DKK2: variants seen among roughly 807,000 people sequenced by gnomAD.
DKK2 encodes the protein dickkopf Wnt signaling pathway inhibitor 2.
DKK2 carries 11 observed loss-of-function variants against 28.1 expected under a neutral mutation model. The ratio of observed to expected loss-of-function variants is 0.39; its 90% CI spans 0.25 to 0.65. DKK2 has a LOEUF of 0.65. Ranked by LOEUF, DKK2 falls within the 30% of genes least tolerant of loss-of-function variation. The pLI is 0.47. For missense variants in DKK2, 326 were observed against 335.5 expected, an observed-to-expected ratio of 0.97 and a Z score of 0.22; for synonymous variants, 135 against 126.5, an observed-to-expected ratio of 1.07 and a Z score of -0.45.
intron 1 of DKK2, among the ~76,000 whole-genome samples, chr4:107,003,684 T>C (rs1202229775): frequency 6.6e-6 from 1 of 152,236 alleles, no homozygotes; most frequent in Non-Finnish European, 1.5e-5. Flanking sequence ...CAGATTCTTT[T>C]CCTACTGAGC....
rs868151085 is a variant in DKK2, at chr4:107,027,877, G to A, written c.222+7493C>T. ...CGCCATTCTCCTGCCTCAGCCTCCT[G>A]AGTAGCTGGGACTACAGGCGCCTGC... is the stretch of plus-strand genomic sequence containing the variant. On this transcript the variant is annotated intron_variant, in intron 1 of 3. Coordinates refer to ENST00000285311, the MANE Select transcript of DKK2 (RefSeq NM_014421.3). Among the ~76,000 whole-genome samples the A allele has an allele frequency of 2.8e-4, 43 of 151,382 alleles. 1 individual carries two copies. Among genetic ancestry groups the A allele is most frequent in the African/African-American group, 1.0e-3 (42 of 41,264 alleles).
intron 1 of DKK2, among the ~76,000 whole-genome samples, chr4:107,014,816 TACAC>T (rs1328265322): frequency 1.3e-5 from 2 of 150,100 alleles, no homozygotes; most frequent in Admixed American, 6.7e-5. Flanking sequence ...AAATAGGTTC[TACAC>T]ACACACACAC....
intron 1 of DKK2, among the ~76,000 whole-genome samples, chr4:107,031,510 A>G (rs1216149648): frequency 6.6e-6 from 1 of 152,030 alleles, no homozygotes; most frequent in African/African-American, 2.4e-5. Flanking sequence ...TTCTCACAAC[A>G]TAACTTCATC....
Position 106,925,838 on chromosome 4 carries a change from G to A in DKK2, c.334C>T (p.Arg112Ter), listed in dbSNP as rs528677483. 3.1e-6 allele frequency: 5 copies of A among 1,613,416 alleles called. No individual in the cohort carries two copies. The highest frequency in any genetic ancestry group is 1.3e-5 in the African/African-American group (1 of 74,938). Residue 112 changes from arginine to a stop codon, truncating the protein, a stop_gained, in exon 2 of 4, where the codon CGA becomes TGA. Transcript: ENST00000285311. LOFTEE classifies it high-confidence loss of function. ...VCRRKKKRCH[R>*]DGMCCPSTRC... The stretch of plus-strand genomic sequence containing the variant: ...GTACTGGGGCAGCACATGCCATCTC[G>A]GTGGCAGCGCTTCTTTTTTCTCCGA...
chr4:106,926,296 G>A (rs1045571596), intron 1 of DKK2, among the ~76,000 whole-genome samples: 10 of 152,008 alleles, frequency 6.6e-5, no homozygotes, highest in African/African-American at 1.9e-4. Context: ...GCTATTGTAA[G>A]GTAAAAATGA....
Position 106,940,254 on chromosome 4 carries a change from A to C in DKK2, c.223-14305T>G, listed in dbSNP as rs567112122. Among the ~76,000 whole-genome samples, 5 of 152,316 alleles carry C rather than the reference A, an allele frequency of 3.3e-5. No homozygotes were observed. The South Asian group carries it at 1.0e-3, about 32-fold the overall frequency. On this transcript the variant is annotated intron_variant, in intron 1 of 3. Coordinates refer to ENST00000285311, the MANE Select transcript of DKK2 (RefSeq NM_014421.3). The stretch of plus-strand genomic sequence containing the variant: ...CCAGAATCTACAATGAACTCAAACA[A>C]ATTTACAAGAAAAAACAAATAACCC...
intron 1 of DKK2, among the ~76,000 whole-genome samples, chr4:106,932,775 G>A (rs1432322814): frequency 6.6e-6 from 1 of 152,076 alleles, no homozygotes; most frequent in Non-Finnish European, 1.5e-5. Context: ...CAATCTTAAG[G>A]TCTCTTCCAA....
chr4:106,925,471 A>G lies in DKK2; in HGVS notation c.373+328T>C, dbSNP rs138043865. ...TGGAATAGATATTTGCAACTGCATT[A>G]CTAAATCATATCAAGTTTCTTTCTT... On this transcript the variant is annotated intron_variant, in intron 2 of 3. Transcript: ENST00000285311. Among the ~76,000 whole-genome samples the G allele has an allele frequency of 5.3e-5, 8 of 152,368 alleles. No individual in the cohort carries two copies. In the East Asian group the frequency reaches 1.3e-3, roughly 26 times the overall value.
rs145805424 is a variant in DKK2, at chr4:107,030,549, C to T, written c.222+4821G>A. On this transcript the variant is annotated intron_variant, in intron 1 of 3. Coordinates refer to ENST00000285311, the MANE Select transcript of DKK2 (RefSeq NM_014421.3). ...GAACAATCAGATAAATAACTAAAAA[C>T]GGGTTTATCTCCTTGTTATAAGTGA... Among the ~76,000 whole-genome samples the T allele has an allele frequency of 5.6e-3, 852 of 151,888 alleles. 6 individuals carry two copies. Among genetic ancestry groups the T allele is most frequent in the Non-Finnish European group, 6.9e-3 (471 of 67,808 alleles).
chr4:107,030,048 A>G (rs917252669), intron 1 of DKK2, among the ~76,000 whole-genome samples: 1 of 152,094 alleles, frequency 6.6e-6, no homozygotes, highest in Non-Finnish European at 1.5e-5. Context: ...GGGGTTGTGG[A>G]ATACATGTTA....
chr4:106,978,246 CCCTTAG>C (rs1312408443), intron 1 of DKK2, among the ~76,000 whole-genome samples: 1 of 152,164 alleles, frequency 6.6e-6, no homozygotes, highest in Non-Finnish European at 1.5e-5. Flanking sequence ...GCCAGTCTGT[CCCTTAG>C]CAGAGCTCGA....
intron 1 of DKK2, among the ~76,000 whole-genome samples, chr4:106,929,072 C>G (rs1474370421): frequency 6.6e-6 from 1 of 152,142 alleles, no homozygotes; most frequent in Non-Finnish European, 1.5e-5. Flanking sequence ...TTTCCATTTA[C>G]TTTGACCTCC....
chr4:107,020,735 A>G (rs1723679591), intron 1 of DKK2, among the ~76,000 whole-genome samples: 2 of 151,982 alleles, frequency 1.3e-5, no homozygotes, highest in African/African-American at 4.8e-5. Flanking sequence ...AAACAATTGA[A>G]CTCATTTTAA....
chr4:107,035,232 T>A, intron 1 of DKK2, 138 bp downstream of exon 1: 1 of 1,024,270 alleles, frequency 9.8e-7, no homozygotes, highest in Non-Finnish European at 1.4e-6. Context: ...CCCTGTTCGG[T>A]GAATCCCTCC....
intron 1 of DKK2, among the ~76,000 whole-genome samples, chr4:107,033,284 T>C (rs573768277): frequency 3.3e-5 from 5 of 152,298 alleles, no homozygotes; most frequent in African/African-American, 4.8e-5. Context: ...AGAACTGCTA[T>C]GTTATGAAAG....
chr4:107,007,597 C>T (rs560929576), intron 1 of DKK2, among the ~76,000 whole-genome samples: 1 of 152,238 alleles, frequency 6.6e-6, no homozygotes, highest in African/African-American at 2.4e-5. Flanking sequence ...CCAAAAATGC[C>T]TGTCCTTGAA....
Position 106,989,341 on chromosome 4 carries a change from C to G in DKK2, c.222+46029G>C, listed in dbSNP as rs536028958. On this transcript the variant is annotated intron_variant, in intron 1 of 3. Coordinates refer to ENST00000285311, the MANE Select transcript of DKK2 (RefSeq NM_014421.3). ...AAGCAAACCTGATTATTATTTTAGC[C>G]TTTATGTTTTCCAGCTGTGTGACTT... Among the ~76,000 whole-genome samples the G allele has an allele frequency of 3.3e-5, 5 of 152,196 alleles. No individual in the cohort carries two copies. The South Asian group carries it at 1.0e-3, about 32-fold the overall frequency.
At chr4:107,031,949 T>G (rs1723882070) in intron 1 of DKK2, among the ~76,000 whole-genome samples, 1 of 151,942 alleles carries the variant, frequency 6.6e-6, no homozygotes, top group South Asian at 2.1e-4. Context: ...TCACATGATA[T>G]TGAAGATTTT....
intron 1 of DKK2, among the ~76,000 whole-genome samples, chr4:106,944,763 T>C (rs568546646): frequency 5.3e-5 from 8 of 152,220 alleles, no homozygotes; most frequent in South Asian, 2.1e-4. Context: ...TGTACATTTA[T>C]AAGTCTATAA....
Sources: gnomAD v4.1 joint callset for allele counts (sites outside exome capture counted in the v4.1 genomes callset) on GRCh38, gnomAD v4.1.1 for gene constraint, MANE v1.5 for transcripts, NCBI Gene and HGNC (gene_info 2026-07-23, HGNC 2026-07-21) for gene names.